Variants in TDRD6 observed in about 807,000 individuals in gnomAD.
The protein encoded by TDRD6 is tudor domain-containing protein 6.
Under a neutral mutation model 157.5 loss-of-function variants are expected in TDRD6, and 186 were observed. That is an observed-to-expected ratio of 1.18 (90% CI 1.05 to 1.33). The LOEUF (loss-of-function observed/expected upper bound fraction) is 1.33, where lower values mean the gene tolerates loss of function less well. Among genes scored for constraint, TDRD6 ranks in the 40% most tolerant of loss-of-function variants. The pLI is 0.00. For synonymous variants in TDRD6, 1,075 were observed against 945.2 expected (o/e 1.14, Z -2.52); for missense variants, 3,066 against 2,508.0 (o/e 1.22, Z -4.75).
Position 46,692,628 on chromosome 6 carries a change from T to A in TDRD6, c.4500T>A (p.Val1500=). ...QVIKSASSKS[V]NKSDIDTSVF... ...TTAAAAGTGCCAGTTCAAAGTCTGT[T>A]AACAAATCAGACATTGACACTTCAG... The change falls in exon 1 of 4, where the codon GTT becomes GTA. Residue 1500 remains valine, a synonymous_variant. Coordinates refer to ENST00000316081, the MANE Select transcript of TDRD6 (RefSeq NM_001010870.3). 6.2e-7 allele frequency: 1 copy of A among 1,613,466 alleles called. No individual in the cohort carries two copies. The highest frequency in any genetic ancestry group is 8.5e-7 in the Non-Finnish European group (1 of 1,179,808).
intron 3 of TDRD6, among the ~76,000 whole-genome samples, chr6:46,698,437 T>G (rs955987963): frequency 6.6e-6 from 1 of 152,062 alleles, no homozygotes; most frequent in African/African-American, 2.4e-5. Context: ...GGTTGACCAG[T>G]TTGGTTTTCT....
rs536476206 is a variant in TDRD6 at position 46,701,389 on chromosome 6, G to T, written c.6262-469G>T. Among the ~76,000 whole-genome samples the T allele has an allele frequency of 1.4e-4, 21 of 152,072 alleles. No individual in the cohort carries two copies. In the South Asian group the frequency reaches 4.4e-3, roughly 32 times the overall value. ...AATGATATTTGTTAAATAATCTCTT[G>T]GAATTTCTGAATCTTTAGTTTATAT... On this transcript the variant is annotated intron_variant, in intron 3 of 3. Transcript: ENST00000316081.
rs765823014 is a variant in TDRD6 at position 46,692,029 on chromosome 6, A to C, written c.3901A>C (p.Ile1301Leu). 6.2e-7 allele frequency: 1 copy of C among 1,613,624 alleles called. No individual in the cohort carries two copies. Among genetic ancestry groups the C allele is most frequent in the Non-Finnish European group, 8.5e-7 (1 of 1,179,894 alleles). Residue 1301 changes from isoleucine (I) to leucine (L), a missense_variant, in exon 1 of 4, where the codon ATA becomes CTA. Physicochemically the swap from Ile to Leu is conservative, Grantham distance 5 (BLOSUM62 2). Transcript: ENST00000316081. Reference sequence around the variant, plus strand: ...ATTTTGTGAGTTCCCACAGAAGACTATAATGCCTGGATTTAAAACAACTGT... The same window carrying C: ...ATTTTGTGAGTTCCCACAGAAGACTCTAATGCCTGGATTTAAAACAACTGT... ...LKFCEFPQKT[I>L]MPGFKTTVYV...
chr6:46,703,848 A>G lies in TDRD6; in HGVS notation c.*1961A>G, dbSNP rs1764686066. 6.6e-6 allele frequency: 1 copy of G among 152,198 alleles called. No homozygotes were observed. Among genetic ancestry groups the G allele is most frequent in the African/African-American group, 2.4e-5 (1 of 41,446 alleles). The allele number at this position is 152,198 out of a possible 1,614,324, so 9.4% of individuals were successfully genotyped here. A position where few individuals can be genotyped will look rare whatever the true frequency, so the allele number is the denominator to read the frequency against. ...ACTGGAATCCCTGCTATATGCTGTA[A>G]TACCTGTGGAACCTTTCTTTAGCAA... On this transcript the variant is annotated 3_prime_UTR_variant, in exon 4 of 4. Transcript: ENST00000316081.
chr6:46,682,522 A>G, the TDRD6 span, among the ~76,000 whole-genome samples: 1 of 151,924 alleles, frequency 6.6e-6, no homozygotes, highest in Non-Finnish European at 1.5e-5. Context: ...AGGCACATAT[A>G]TTAGAAAAGA....
chr6:46,698,256 G>C (rs1306298373), intron 3 of TDRD6, among the ~76,000 whole-genome samples, 169 bp downstream of exon 3: 1 of 152,168 alleles, frequency 6.6e-6, no homozygotes, highest in Non-Finnish European at 1.5e-5. Context: ...CTTATGCCAA[G>C]TATTCTTCTG....
chr6:46,687,944 C>G lies in TDRD6; in HGVS notation c.-185C>G. On this transcript the variant is annotated 5_prime_UTR_variant, in exon 1 of 4. Transcript: ENST00000316081. ...GCTACCGGGTCTTACCAGTCCGTGG[C>G]GGGAGTCCCGGAGGACCCTCGACGG... The G allele has an allele frequency of 4.3e-6, 4 of 927,544 alleles. No homozygotes were observed. The highest frequency in any genetic ancestry group is 6.0e-6 in the Non-Finnish European group (4 of 668,030). 57.5% of individuals were successfully genotyped at this position (927,544 alleles called of 1,614,324 possible). A position where few individuals can be genotyped will look rare whatever the true frequency, so the allele number is the denominator to read the frequency against.
Position 46,690,177 on chromosome 6 carries a change from C to G in TDRD6, c.2049C>G (p.Ser683=). The part of the protein sequence containing the change: ...TKENILVNAH[S]PGHVSNHFTT... ...AAAATATCCTGGTAAATGCCCACTCCCCAGGGCATGTTTCAAACCACTTTA... is the reference window on the plus strand; with the variant it reads ...AAAATATCCTGGTAAATGCCCACTCGCCAGGGCATGTTTCAAACCACTTTA... The change falls in exon 1 of 4, where the codon TCC becomes TCG. Residue 683 remains serine (S), a synonymous_variant. Coordinates refer to ENST00000316081, the MANE Select transcript of TDRD6 (RefSeq NM_001010870.3). 6.2e-7 allele frequency: 1 copy of G among 1,613,768 alleles called. No homozygotes were observed. The highest frequency in any genetic ancestry group is 8.5e-7 in the Non-Finnish European group (1 of 1,179,992).
In TDRD6 at chr6:46,689,610, G is replaced by A. The variant is rs557303775; in HGVS notation, c.1482G>A (p.Glu494=). The part of the protein sequence containing the change: ...KMNAFYDAQV[E]FVKNPSEFWI... Reference sequence around the variant, plus strand: ...ATGCCTTCTACGATGCGCAGGTAGAGTTTGTTAAAAATCCTTCTGAGTTTT... The same window carrying A: ...ATGCCTTCTACGATGCGCAGGTAGAATTTGTTAAAAATCCTTCTGAGTTTT... The change falls in exon 1 of 4, where the codon GAG becomes GAA. Residue 494 remains glutamate, a synonymous_variant. Transcript: ENST00000316081. The A allele has an allele frequency of 2.5e-6, 4 of 1,614,186 alleles. No individual in the cohort carries two copies. The highest frequency in any genetic ancestry group is 1.6e-4 in the Middle Eastern group (1 of 6,062).
In TDRD6 at chr6:46,703,056, T is replaced by C. The variant is rs1454416855; in HGVS notation, c.*1169T>C. The C allele has an allele frequency of 1.3e-5, 2 of 152,096 alleles. No individual in the cohort carries two copies. The highest frequency in any genetic ancestry group is 2.9e-5 in the Non-Finnish European group (2 of 67,972). 9.4% of individuals were successfully genotyped at this position (152,096 alleles called of 1,614,324 possible). On this transcript the variant is annotated 3_prime_UTR_variant, in exon 4 of 4. Coordinates refer to ENST00000316081, the MANE Select transcript of TDRD6 (RefSeq NM_001010870.3). ...ACTTATTAGATATTTTCAATAGTTA[T>C]TTTCTCCTTTCAGCATCAGCATGCG... is the stretch of plus-strand genomic sequence containing the variant.
In TDRD6 at chr6:46,704,257, CAGTT is replaced by C. The variant is rs1764705580; in HGVS notation, c.*2371_*2374del. The C allele has an allele frequency of 3.1e-4, 93 of 300,850 alleles. 1 individual carries two copies. In the South Asian group the frequency reaches 3.6e-3, roughly 12 times the overall value. The allele number at this position is 300,850 out of a possible 1,614,324, so 18.6% of individuals were successfully genotyped here. The stretch of plus-strand genomic sequence containing the variant: ...CTTGTCTGTCAAAGTAATGTAAAAA[CAGTT>C]TTTAACTTCGACACTGAAAAGGAAT... On this transcript the variant is annotated 3_prime_UTR_variant, in exon 4 of 4. Transcript: ENST00000316081.
rs769886840 is a variant in TDRD6, at chr6:46,701,887, A to G, written c.6291A>G (p.Ter2097=). Residue 2097 remains the stop codon, a stop_retained_variant, in exon 4 of 4, where the codon TAA becomes TAG. Coordinates refer to ENST00000316081, the MANE Select transcript of TDRD6 (RefSeq NM_001010870.3). ...EKRGLEVMEI[*] ...GGGGTTTGGAGGTGATGGAGATTTA[A>G]CCGTGGATCTATAGCTGTGGCCAAT... 2.5e-6 allele frequency: 4 copies of G among 1,612,716 alleles called. No individual in the cohort carries two copies. The East Asian group carries it at 6.7e-5, about 27-fold the overall frequency.
chr6:46,693,280 C>A lies in TDRD6; in HGVS notation c.5152C>A (p.Gln1718Lys), dbSNP rs536534491. Reference sequence around the variant, plus strand: ...TGAAAATATTGACTCAGAGATAAAGCAGACTCTTGGGTCCTACAATCTTGA... The same window carrying A: ...TGAAAATATTGACTCAGAGATAAAGAAGACTCTTGGGTCCTACAATCTTGA... ...PYENIDSEIK[Q>K]TLGSYNLDVG... Residue 1718 changes from glutamine to lysine, a missense_variant, in exon 1 of 4, where the codon CAG becomes AAG. By Grantham distance (53) the Gln-to-Lys change is moderately conservative (BLOSUM62 1). Coordinates refer to ENST00000316081, the MANE Select transcript of TDRD6 (RefSeq NM_001010870.3). 6.2e-7 allele frequency: 1 copy of A among 1,613,404 alleles called. No homozygotes were observed. Among genetic ancestry groups the A allele is most frequent in the South Asian group, 1.1e-5 (1 of 90,968 alleles).
In TDRD6 at chr6:46,692,899, A is replaced by T; in HGVS notation, c.4771A>T (p.Asn1591Tyr). 1 of 1,614,128 alleles carries T rather than the reference A, an allele frequency of 6.2e-7. No homozygotes were observed. Among genetic ancestry groups the T allele is most frequent in the East Asian group, 2.2e-5 (1 of 44,868 alleles). Reference sequence around the variant, plus strand: ...ACATTATTATAGGGCACTTATCACTAATATTTGTGAAGATTATCTTGTATC... The same window carrying T: ...ACATTATTATAGGGCACTTATCACTTATATTTGTGAAGATTATCTTGTATC... ...DGHYYRALIT[N>Y]ICEDYLVSVR... Residue 1591 changes from asparagine to tyrosine, a missense_variant, in exon 1 of 4, where the codon AAT becomes TAT. Physicochemically the swap from Asn to Tyr is moderately radical, Grantham distance 143. Coordinates refer to ENST00000316081, the MANE Select transcript of TDRD6 (RefSeq NM_001010870.3).
chr6:46,698,152 A>G, intron 3 of TDRD6, 65 bp downstream of exon 3: 1 of 1,245,726 alleles, frequency 8.0e-7, no homozygotes, highest in Non-Finnish European at 1.2e-6. Flanking sequence ...GTGATTTAAC[A>G]AACTATTTCC....
At chr6:46,697,137 A>G (rs1764521941) in intron 2 of TDRD6, among the ~76,000 whole-genome samples, 1 of 152,096 alleles carries the variant, frequency 6.6e-6, no homozygotes, top group African/African-American at 2.4e-5. Context: ...CTTTATATTA[A>G]ATGGACATCA....
At position 46,688,206 on chromosome 6, in the gene TDRD6, T is replaced by C. The variant is rs1471196692; in HGVS notation, c.78T>C (p.Asp26=). 6.5e-7 allele frequency: 1 copy of C among 1,544,788 alleles called. No homozygotes were observed. The highest frequency in any genetic ancestry group is 8.7e-7 in the Non-Finnish European group (1 of 1,151,558). ...TGTCCTTCGTGGACGTGCATCCCGA[T>C]GTGATCCCGGTGCAGCTGTGGGGGC... ...LRVSFVDVHP[D]VIPVQLWGLV... The change falls in exon 1 of 4, where the codon GAT becomes GAC. Residue 26 remains aspartate, a synonymous_variant. Coordinates refer to ENST00000316081, the MANE Select transcript of TDRD6 (RefSeq NM_001010870.3).
In TDRD6 at chr6:46,689,086, T is replaced by C. The variant is rs758266961; in HGVS notation, c.958T>C (p.Cys320Arg). ...TAAGCCGGGCTCTCCGTGTGCATCCTGTGGCCTGGATGGACATTGGTACAG... is the reference window on the plus strand; with the variant it reads ...TAAGCCGGGCTCTCCGTGTGCATCCCGTGGCCTGGATGGACATTGGTACAG... ...PDKPGSPCAS[C>R]GLDGHWYRAL... is the part of the protein sequence containing the mutation. Residue 320 changes from cysteine (C) to arginine (R), a missense_variant, in exon 1 of 4, where the codon TGT becomes CGT. Coordinates refer to ENST00000316081, the MANE Select transcript of TDRD6 (RefSeq NM_001010870.3). 1 of 1,614,108 alleles carries C rather than the reference T, an allele frequency of 6.2e-7. No homozygotes were observed. The highest frequency in any genetic ancestry group is 1.1e-5 in the South Asian group (1 of 91,090).
chr6:46,687,972 G>T lies in TDRD6; in HGVS notation c.-157G>T, dbSNP rs1043195403. 2 of 1,186,496 alleles carry T rather than the reference G, an allele frequency of 1.7e-6. No homozygotes were observed. Among genetic ancestry groups the T allele is most frequent in the African/African-American group, 3.3e-5 (2 of 61,246 alleles). 73.5% of individuals were successfully genotyped at this position (1,186,496 alleles called of 1,614,324 possible). A position where few individuals can be genotyped will look rare whatever the true frequency, so the allele number is the denominator to read the frequency against. On this transcript the variant is annotated 5_prime_UTR_variant, in exon 1 of 4. Coordinates refer to ENST00000316081, the MANE Select transcript of TDRD6 (RefSeq NM_001010870.3). Reference sequence around the variant, plus strand: ...GAGTCCCGGAGGACCCTCGACGGGGGAGTTGCCGAGAAAAGGCCTCGCCGG... The same window carrying T: ...GAGTCCCGGAGGACCCTCGACGGGGTAGTTGCCGAGAAAAGGCCTCGCCGG...
Sources: gnomAD v4.1 joint callset for allele counts (sites outside exome capture counted in the v4.1 genomes callset) on GRCh38, gnomAD v4.1.1 for gene constraint, MANE v1.5 for transcripts, NCBI Gene and HGNC (gene_info 2026-07-23, HGNC 2026-07-21) for gene names.